The following TMEM268 variants were observed in gnomAD, a reference collection of about 807,000 sequenced individuals.
The protein encoded by TMEM268 is transmembrane protein C9orf91.
A neutral mutation model predicts 39.1 loss-of-function variants in TMEM268; 24 were observed. The observed-to-expected ratio is 0.61, with a 90% CI of 0.44 to 0.86. The LOEUF (loss-of-function observed/expected upper bound fraction) is 0.86. Ranked by LOEUF, TMEM268 falls within the 40% of genes least tolerant of loss-of-function variation. The pLI is 0.00. For synonymous variants in TMEM268, 176 were observed against 173.5 expected (o/e 1.01, Z -0.12); for missense variants, 409 against 428.6 (o/e 0.95, Z 0.40).
In TMEM268 at chr9:114,622,351, T is replaced by C. The variant is rs1845978201; in HGVS notation, c.107-1999T>C. 5.1e-6 allele frequency: 5 copies of C among 985,290 alleles called. No individual in the cohort carries two copies. The South Asian group carries it at 2.3e-4, about 46-fold the overall frequency. 61.0% of individuals were successfully genotyped at this position (985,290 alleles called of 1,614,324 possible). ...TATCCAGTCCTCAGCAGTGCATGGC[T>C]GAAACCTGGGATCCTAGAATCCCAG... On this transcript the variant is annotated intron_variant, in intron 2 of 8. Coordinates refer to ENST00000288502, the MANE Select transcript of TMEM268 (RefSeq NM_153045.4).
At chr9:114,641,483 T>C (rs182387998) in intron 8 of TMEM268, among the ~76,000 whole-genome samples, 1 of 152,350 alleles carries the variant, frequency 6.6e-6, no homozygotes, top group Admixed American at 6.5e-5. Context: ...TCCCATCTTC[T>C]AGACCAGTGA....
intron 8 of TMEM268, 38 bp downstream of exon 8, chr9:114,638,764 CG>C (rs780704510): frequency 6.1e-6 from 9 of 1,473,920 alleles, no homozygotes; most frequent in Admixed American, 2.5e-5. Flanking sequence ...CATCTTCCCT[CG>C]GGGGAATTTG....
intron 2 of TMEM268, among the ~76,000 whole-genome samples, chr9:114,622,724 G>A (rs987727304): frequency 6.6e-6 from 1 of 152,116 alleles, no homozygotes; most frequent in African/African-American, 2.4e-5. Context: ...ATACGTAGGA[G>A]GGATTACAGT....
rs373452606 is a variant in TMEM268 at position 114,615,095 on chromosome 9, C to T, written c.-78-2023C>T. The stretch of plus-strand genomic sequence containing the variant: ...TATTTTTAGTAGAGACGGGGTTTCA[C>T]CATGTTTGCCAGGCTGGTCTCAAAC... On this transcript the variant is annotated intron_variant, in intron 1 of 8. Coordinates refer to ENST00000288502, the MANE Select transcript of TMEM268 (RefSeq NM_153045.4). Among the ~76,000 whole-genome samples, 26 of 152,020 alleles carry T rather than the reference C, an allele frequency of 1.7e-4. No homozygotes were observed. The East Asian group carries it at 4.5e-3, about 26-fold the overall frequency.
intron 8 of TMEM268, among the ~76,000 whole-genome samples, chr9:114,640,561 G>C (rs1846860556): frequency 6.6e-6 from 1 of 152,226 alleles, no homozygotes; most frequent in African/African-American, 2.4e-5. Context: ...TTGCCAGAAA[G>C]GGAGAGTGCA....
Position 114,643,343 on chromosome 9 carries a change from A to G in TMEM268, c.*30A>G. The G allele has an allele frequency of 6.2e-7, 1 of 1,607,506 alleles. No individual in the cohort carries two copies. Among genetic ancestry groups the G allele is most frequent in the Non-Finnish European group, 8.5e-7 (1 of 1,174,418 alleles). Reference sequence around the variant, plus strand: ...GGGATGAAGGTACTCATCTTCCTTCAAGACTGAGCAGTCAGGAAGGCTTCA... The same window carrying G: ...GGGATGAAGGTACTCATCTTCCTTCGAGACTGAGCAGTCAGGAAGGCTTCA... On this transcript the variant is annotated 3_prime_UTR_variant, in exon 9 of 9. Transcript: ENST00000288502.
the TMEM268 span, among the ~76,000 whole-genome samples, chr9:114,605,346 G>T: frequency 0.033 from 4,946 of 149,204 alleles, 109 homozygotes; most frequent in Admixed American, 0.085. Context: ...TTTTTTTCTG[G>T]TTTTTTTTTT....
At position 114,617,124 on chromosome 9, in the gene TMEM268, G is replaced by T; in HGVS notation, c.-72G>T. ...TTTGTGCTGTTTTCTGAAGGCATAT[G>T]ATGCTGAGCTGGCTGCTCCAGAATG... On this transcript the variant is annotated 5_prime_UTR_variant, in exon 2 of 9. It removes an upstream start codon present in the reference 5' UTR. Coordinates refer to ENST00000288502, the MANE Select transcript of TMEM268 (RefSeq NM_153045.4). The T allele has an allele frequency of 1.0e-6, 1 of 1,001,146 alleles. No homozygotes were observed. Among genetic ancestry groups the T allele is most frequent in the Non-Finnish European group, 1.5e-6 (1 of 666,624 alleles). 62.0% of individuals were successfully genotyped at this position (1,001,146 alleles called of 1,614,324 possible). A position where few individuals can be genotyped will look rare whatever the true frequency, so the allele number is the denominator to read the frequency against.
At chr9:114,606,037 G>C in the TMEM268 span, among the ~76,000 whole-genome samples, 1 of 151,820 alleles carries the variant, frequency 6.6e-6, no homozygotes, top group Non-Finnish European at 1.5e-5. Context: ...GTTGTTCAGA[G>C]AGCATGACTG....
At chr9:114,613,342 A>G (rs564404310) in intron 1 of TMEM268, among the ~76,000 whole-genome samples, 2 of 152,346 alleles carry the variant, frequency 1.3e-5, no homozygotes, top group East Asian at 1.9e-4. Flanking sequence ...CAGCCTGGGC[A>G]TGGTCCCTCG....
chr9:114,610,879 C>T (rs1032101174), upstream of TMEM268, among the ~76,000 whole-genome samples: 3 of 152,114 alleles, frequency 2.0e-5, no homozygotes, highest in East Asian at 1.9e-4. Context: ...CTAGTCTGAC[C>T]CCAAACCAAT....
At chr9:114,619,878 G>T (rs541996721) in intron 2 of TMEM268, among the ~76,000 whole-genome samples, 25 of 151,108 alleles carry the variant, frequency 1.7e-4, no homozygotes, top group African/African-American at 5.6e-4. Flanking sequence ...CTTTTTTTTT[G>T]TTGTTTTTTC....
chr9:114,623,604 C>T (rs1367514934), intron 2 of TMEM268, among the ~76,000 whole-genome samples: 5 of 152,152 alleles, frequency 3.3e-5, no homozygotes, highest in Non-Finnish European at 7.4e-5. Context: ...CATTCCCTGG[C>T]TCATGGCCCT....
At chr9:114,608,382 T>C (rs1589318519), upstream of TMEM268, among the ~76,000 whole-genome samples, 1 of 152,224 alleles carries the variant, frequency 6.6e-6, no homozygotes, top group South Asian at 2.1e-4. Context: ...CAGTAAGTGG[T>C]AGAGCCTGGT....
At chr9:114,628,356 A>G in intron 5 of TMEM268, 106 bp downstream of exon 5, 2 of 1,307,360 alleles carry the variant, frequency 1.5e-6, no homozygotes, top group Non-Finnish European at 2.1e-6. Context: ...CCTGGCCATG[A>G]AAATTCACAC....
intron 1 of TMEM268, among the ~76,000 whole-genome samples, chr9:114,611,950 AGCCTGGGT>A (rs1304516421): frequency 6.6e-6 from 1 of 152,188 alleles, no homozygotes; most frequent in African/African-American, 2.4e-5. Context: ...GGCGTGAAGG[AGCCTGGGT>A]TTCAATTCTG....
At chr9:114,623,121 C>G (rs1013463659) in intron 2 of TMEM268, among the ~76,000 whole-genome samples, 2 of 151,208 alleles carry the variant, frequency 1.3e-5, no homozygotes, top group South Asian at 2.1e-4. Context: ...ACAACAACAA[C>G]AAGCCAAACC....
chr9:114,604,889 T>C, the TMEM268 span, among the ~76,000 whole-genome samples: 1 of 152,176 alleles, frequency 6.6e-6, no homozygotes, highest in Non-Finnish European at 1.5e-5. Flanking sequence ...TTACAGAATG[T>C]TCAATGTCAC....
chr9:114,635,155 A>G (rs1054574216), intron 6 of TMEM268, among the ~76,000 whole-genome samples: 9 of 151,412 alleles, frequency 5.9e-5, no homozygotes, highest in African/African-American at 1.9e-4. Flanking sequence ...AGCCTGGGCA[A>G]CGTGGTGAAA....
Sources: allele counts gnomAD v4.1 joint callset (sites outside exome capture counted in the v4.1 genomes callset), GRCh38; gene constraint gnomAD v4.1.1; transcripts MANE v1.5; gene names NCBI Gene and HGNC (gene_info 2026-07-23, HGNC 2026-07-21).